The following CHPT1 variants were observed in gnomAD, a reference collection of about 807,000 sequenced individuals.
CHPT1 encodes cholinephosphotransferase 1.
A neutral mutation model predicts 47.6 loss-of-function variants in CHPT1; 36 were observed. The observed-to-expected ratio is 0.76, with a 90% CI of 0.58 to 1.00. The LOEUF is 1.00. CHPT1 is among the 50% of genes least tolerant of loss of function. CHPT1 has a pLI of 0.00. For synonymous variants in CHPT1, 194 were observed against 186.3 expected (o/e 1.04, Z -0.33); for missense variants, 458 against 498.1 (o/e 0.92, Z 0.77).
In CHPT1 at chr12:101,720,133, T is replaced by G. The variant is rs1951827914; in HGVS notation, c.659T>G (p.Leu220Arg). 6.9e-6 allele frequency: 11 copies of G among 1,591,120 alleles called. No homozygotes were observed. Among genetic ancestry groups the G allele is most frequent in the Non-Finnish European group, 9.4e-6 (11 of 1,170,270 alleles). Residue 220 changes from leucine to arginine, a missense_variant, in exon 5 of 9, where the codon CTA becomes CGA. Leu to Arg is a moderately radical substitution (Grantham distance 102). Coordinates refer to ENST00000229266, the MANE Select transcript of CHPT1 (RefSeq NM_020244.3). ...ATMWDYTIPI[L>R]EIKLKILPVL... The stretch of plus-strand genomic sequence containing the variant: ...CTTCTACCCCTAAAGATTCCTATTC[T>G]AGAAATAAAATTGAAGATCCTTCCA...
At position 101,716,811 on chromosome 12, in the gene CHPT1, C is replaced by T. The variant is rs764940198; in HGVS notation, c.647C>T (p.Thr216Met). 4.5e-5 allele frequency: 70 copies of T among 1,540,356 alleles called. No individual in the cohort carries two copies. The Middle Eastern group carries it at 5.4e-4, about 12-fold the overall frequency. The change falls in exon 4 of 9, where the codon ACG becomes ATG. Residue 216 changes from threonine (T) to methionine (M), a missense_variant and splice_region_variant. Physicochemically the swap from Thr to Met is moderately conservative, Grantham distance 81. Coordinates refer to ENST00000229266, the MANE Select transcript of CHPT1 (RefSeq NM_020244.3). ...GGAGGAGCAACAATGTGGGACTATA[C>T]GGTAAATCTGAATATTTAAATTTAT... Reference protein sequence around the residue: ...AFGGATMWDYTIPILEIKLKI... With the variant: ...AFGGATMWDYMIPILEIKLKI...
At chr12:101,703,414 G>A (rs1027035095) in intron 1 of CHPT1, among the ~76,000 whole-genome samples, 8 of 152,220 alleles carry the variant, frequency 5.3e-5, no homozygotes, top group African/African-American at 1.7e-4. Flanking sequence ...CAGGTCATGA[G>A]AAAACCCCAT....
chr12:101,717,486 A>T, intron 4 of CHPT1: 1 of 304,442 alleles, frequency 3.3e-6, no homozygotes, highest in South Asian at 3.1e-5. Context: ...AACAACTAAC[A>T]GTCATTCAAT....
At chr12:101,714,008 A>G (rs1337693058) in intron 1 of CHPT1, 82 bp from the exon 2 acceptor site, 2 of 834,366 alleles carry the variant, frequency 2.4e-6, no homozygotes, top group South Asian at 2.2e-5. Flanking sequence ...GGGGTGCTAC[A>G]AAGTGTGAAG....
intron 2 of CHPT1, 49 bp downstream of exon 2, chr12:101,714,286 T>C: frequency 6.8e-7 from 1 of 1,480,124 alleles, no homozygotes; most frequent in South Asian, 1.4e-5. Context: ...AAAAATAAAA[T>C]GAACTGAGCT....
At chr12:101,700,683 T>G (rs1951542493) in intron 1 of CHPT1, among the ~76,000 whole-genome samples, 1 of 151,564 alleles carries the variant, frequency 6.6e-6, no homozygotes, top group African/African-American at 2.4e-5. Flanking sequence ...ATATGTAAAG[T>G]GCTTTCACAT....
chr12:101,706,774 A>C (rs936921737), intron 1 of CHPT1, among the ~76,000 whole-genome samples: 1 of 152,212 alleles, frequency 6.6e-6, no homozygotes, highest in Admixed American at 6.5e-5. Flanking sequence ...ACAATTAATG[A>C]CTTATGTGGA....
At position 101,716,830 on chromosome 12, in the gene CHPT1, AATTTAT is replaced by A; in HGVS notation, c.648+24_648+29del. 4 of 1,435,894 alleles carry A rather than the reference AATTTAT, an allele frequency of 2.8e-6. No homozygotes were observed. The highest frequency in any genetic ancestry group is 3.8e-6 in the Non-Finnish European group (4 of 1,051,950). The allele number at this position is 1,435,894 out of a possible 1,614,324, so 88.9% of individuals were successfully genotyped here. On this transcript the variant is annotated intron_variant, in intron 4 of 8. Coordinates refer to ENST00000229266, the MANE Select transcript of CHPT1 (RefSeq NM_020244.3). ...ACTATACGGTAAATCTGAATATTTA[AATTTAT>A]ATTTAAGTACTTTTCAAATATTTAG...
intron 1 of CHPT1, among the ~76,000 whole-genome samples, chr12:101,712,602 T>A (rs1951713040): frequency 6.7e-6 from 1 of 148,830 alleles, no homozygotes; most frequent in Admixed American, 6.8e-5. Flanking sequence ...TTAGTCGTTT[T>A]TCTTTCGTCA....
intron 1 of CHPT1, among the ~76,000 whole-genome samples, chr12:101,699,395 T>TC (rs1273113295): frequency 6.7e-6 from 1 of 149,702 alleles, no homozygotes; most frequent in African/African-American, 2.5e-5. Flanking sequence ...TCTTTTCTTT[T>TC]TTTTTTTTTT....
intron 1 of CHPT1, among the ~76,000 whole-genome samples, chr12:101,698,503 G>A (rs1331582517): frequency 1.3e-5 from 2 of 152,256 alleles, no homozygotes; most frequent in African/African-American, 4.8e-5. Context: ...GCACACTGGG[G>A]ACTGAACACC....
intron 4 of CHPT1, among the ~76,000 whole-genome samples, chr12:101,718,185 A>G (rs1951792092): frequency 6.6e-6 from 1 of 152,240 alleles, no homozygotes; most frequent in South Asian, 2.1e-4. Context: ...TTTGTATGAT[A>G]CTAAATGGTG....
rs779405162 is a variant in CHPT1, at chr12:101,723,798, A to G, written c.1016A>G (p.Gln339Arg). Residue 339 changes from glutamine to arginine, a missense_variant, in exon 7 of 9, where the codon CAG (glutamine) becomes CGG (arginine). Transcript: ENST00000229266. Reference sequence around the variant, plus strand: ...GGGCCAGGTCTTTTGTTTTTAGACCAGTACTTTAATAACTTTATAGACGAA... The same window carrying G: ...GGGCCAGGTCTTTTGTTTTTAGACCGGTACTTTAATAACTTTATAGACGAA... ...FLGPGLLFLD[Q>R]YFNNFIDEYV... 2.2e-5 allele frequency: 35 copies of G among 1,557,726 alleles called. No homozygotes were observed. Among genetic ancestry groups the G allele is most frequent in the African/African-American group, 4.1e-5 (3 of 72,998 alleles).
intron 1 of CHPT1, among the ~76,000 whole-genome samples, chr12:101,711,676 A>C (rs1285856182): frequency 4.0e-5 from 6 of 148,916 alleles, no homozygotes; most frequent in Non-Finnish European, 9.0e-5. Flanking sequence ...TGCTCTTGCC[A>C]CAAAAACAAA....
intron 1 of CHPT1, among the ~76,000 whole-genome samples, chr12:101,713,445 TTGTGTTTC>T (rs1265044622): frequency 7.2e-5 from 11 of 152,266 alleles, no homozygotes; most frequent in East Asian, 5.8e-4. Context: ...TTCCTGAACT[TTGTGTTTC>T]TCTTAAACAC....
intron 1 of CHPT1, among the ~76,000 whole-genome samples, chr12:101,702,922 A>G (rs1202898215): frequency 6.6e-6 from 1 of 152,178 alleles, no homozygotes; most frequent in African/African-American, 2.4e-5. Flanking sequence ...TAACTTCTGC[A>G]GCCATGGTGC....
chr12:101,714,737 A>G, intron 3 of CHPT1, 92 bp downstream of exon 3: 1 of 1,287,624 alleles, frequency 7.8e-7, no homozygotes, highest in Non-Finnish European at 1.0e-6. Flanking sequence ...AGGAGAACAA[A>G]TCTTCAATCA....
intron 1 of CHPT1, among the ~76,000 whole-genome samples, chr12:101,702,561 T>C (rs1951568674): frequency 6.6e-6 from 1 of 152,182 alleles, no homozygotes; most frequent in Non-Finnish European, 1.5e-5. Flanking sequence ...GTACTACATA[T>C]TGCCTTTGTA....
intron 1 of CHPT1, among the ~76,000 whole-genome samples, chr12:101,704,389 T>A (rs1251931697): frequency 6.6e-6 from 1 of 151,002 alleles, no homozygotes; most frequent in Non-Finnish European, 1.5e-5. Context: ...ATCATAGATA[T>A]GATATGCTAT....
Sources: gnomAD v4.1 joint callset for allele counts (sites outside exome capture counted in the v4.1 genomes callset) on GRCh38, gnomAD v4.1.1 for gene constraint, MANE v1.5 for transcripts, NCBI Gene and HGNC (gene_info 2026-07-23, HGNC 2026-07-21) for gene names.